ASRGL1: variants seen among roughly 807,000 people sequenced by gnomAD.
ASRGL1 encodes asparaginase and isoaspartyl peptidase 1, also known as isoaspartyl peptidase/L-asparaginase.
Under a neutral mutation model 22.4 loss-of-function variants are expected in ASRGL1, and 16 were observed. The ratio of observed to expected loss-of-function variants is 0.71; its 90% CI spans 0.48 to 1.08. ASRGL1 has a LOEUF of 1.08. Ranked by LOEUF, ASRGL1 falls within the 50% of genes least tolerant of loss-of-function variation. ASRGL1 has a pLI of 0.00. For synonymous variants in ASRGL1, 165 were observed against 159.3 expected (o/e 1.04, Z -0.27); for missense variants, 412 against 410.1 (o/e 1.00, Z -0.04).
intron 4 of ASRGL1, among the ~76,000 whole-genome samples, chr11:62,364,004 A>G (rs1295300397): frequency 6.6e-6 from 1 of 151,870 alleles, no homozygotes; most frequent in African/African-American, 2.4e-5. Context: ...TAAAAAATAC[A>G]AAAAATCAGC....
the ASRGL1 span, among the ~76,000 whole-genome samples, chr11:62,399,248 C>T: frequency 6.6e-6 from 1 of 152,196 alleles, no homozygotes. Flanking sequence ...TATTTGTCCA[C>T]TGCTCTCAAG....
chr11:62,349,143 A>G (rs777859022), intron 2 of ASRGL1, among the ~76,000 whole-genome samples: 160 of 151,990 alleles, frequency 1.1e-3, no homozygotes, highest in Middle Eastern at 3.4e-3. Flanking sequence ...TAATTTTTGT[A>G]TTTTTAGTAG....
chr11:62,373,224 T>A, intron 4 of ASRGL1: 1 of 868,656 alleles, frequency 1.2e-6, no homozygotes, highest in East Asian at 2.4e-5. Flanking sequence ...CAGCTGTCAT[T>A]TCCATGTGCA....
intron 4 of ASRGL1, among the ~76,000 whole-genome samples, chr11:62,359,434 G>A (rs1025207326): frequency 4.0e-5 from 6 of 151,176 alleles, no homozygotes; most frequent in African/African-American, 7.3e-5. Context: ...CAACAAGAGC[G>A]AAACTTTGTC....
chr11:62,362,297 G>A (rs1050243545), intron 4 of ASRGL1, among the ~76,000 whole-genome samples: 2 of 150,764 alleles, frequency 1.3e-5, no homozygotes, highest in African/African-American at 2.4e-5. Context: ...TGCTGTTGAA[G>A]TAATTAAATT....
intron 2 of ASRGL1, among the ~76,000 whole-genome samples, chr11:62,348,716 A>T (rs1946095208): frequency 6.6e-6 from 1 of 151,872 alleles, no homozygotes; most frequent in African/African-American, 2.4e-5. Flanking sequence ...GAAAAAAAAA[A>T]AGAAATGTAA....
chr11:62,391,490 T>C (rs765111603), intron 5 of ASRGL1, 32 bp from the exon 6 acceptor site: 1 of 1,588,106 alleles, frequency 6.3e-7, no homozygotes, highest in South Asian at 1.1e-5. Flanking sequence ...TCTTGACTGT[T>C]ACTGCTCAGA....
chr11:62,372,345 C>G (rs962373093), intron 4 of ASRGL1: 6 of 1,578,876 alleles, frequency 3.8e-6, no homozygotes, highest in Non-Finnish European at 5.2e-6. Context: ...TGTCCCCAGC[C>G]CTGTGCAGAT....
chr11:62,392,303 T>A lies in ASRGL1; in HGVS notation c.*19T>A. 6.2e-7 allele frequency: 1 copy of A among 1,612,076 alleles called. No individual in the cohort carries two copies. Among genetic ancestry groups the A allele is most frequent in the African/African-American group, 1.3e-5 (1 of 75,006 alleles). On this transcript the variant is annotated 3_prime_UTR_variant, in exon 7 of 7. Transcript: ENST00000415229. Reference sequence around the variant, plus strand: ...TCCCTAAGCCGCTGGAAGATTGTATTCCAGATGCTAGCTTAGAGGTCAAGT... The same window carrying A: ...TCCCTAAGCCGCTGGAAGATTGTATACCAGATGCTAGCTTAGAGGTCAAGT...
chr11:62,387,058 A>ATT (rs1313502378), intron 4 of ASRGL1, among the ~76,000 whole-genome samples: 1 of 62,200 alleles, frequency 1.6e-5, no homozygotes, highest in Non-Finnish European at 3.9e-5. Context: ...ACACTTAGCT[A>ATT]ATTTTTTTTT....
At chr11:62,362,638 T>TATATATTATATAA (rs1565162339) in intron 4 of ASRGL1, among the ~76,000 whole-genome samples, 5 of 22,714 alleles carry the variant, frequency 2.2e-4, no homozygotes, top group African/African-American at 7.7e-4. Context: ...AAAATATATA[T>TATATATTATATAA]AATATATAAT....
intron 4 of ASRGL1, among the ~76,000 whole-genome samples, chr11:62,370,332 C>CA (rs1209804308): frequency 6.6e-6 from 1 of 152,162 alleles, no homozygotes; most frequent in East Asian, 1.9e-4. Context: ...TATTTCCTAA[C>CA]ACTAGCATAT....
At chr11:62,382,335 A>T (rs1344891440) in intron 4 of ASRGL1, 2 of 151,886 alleles carry the variant, frequency 1.3e-5, no homozygotes, top group African/African-American at 2.4e-5. Flanking sequence ...GGAGAGGGGG[A>T]TGTGGCAGGA....
At chr11:62,353,053 A>T (rs1463906321) in intron 2 of ASRGL1, among the ~76,000 whole-genome samples, 1 of 151,952 alleles carries the variant, frequency 6.6e-6, no homozygotes, top group Non-Finnish European at 1.5e-5. Flanking sequence ...TAGGAGTCTG[A>T]TGACTTGAAT....
intron 4 of ASRGL1, among the ~76,000 whole-genome samples, chr11:62,358,570 G>A (rs1424926600): frequency 2.6e-5 from 4 of 152,204 alleles, no homozygotes; most frequent in African/African-American, 7.2e-5. Flanking sequence ...TGCTTTACAC[G>A]TAAGCAAGAG....
chr11:62,392,593 G>A lies in ASRGL1; in HGVS notation c.*309G>A, dbSNP rs4519096. On this transcript the variant is annotated 3_prime_UTR_variant, in exon 7 of 7. Transcript: ENST00000415229. Reference sequence around the variant, plus strand: ...CAAAAAAAAAAAAAAAAAGAAAAGGGAAAAAAGAAAGAAAGCAGCAGCATG... The same window carrying A: ...CAAAAAAAAAAAAAAAAAGAAAAGGAAAAAAAGAAAGAAAGCAGCAGCATG... The A allele has an allele frequency of 5.6e-3, 2,184 of 387,590 alleles. 49 individuals carry two copies. Among genetic ancestry groups the A allele is most frequent in the African/African-American group, 0.041 (1,986 of 47,920 alleles). The allele number at this position is 387,590 out of a possible 1,614,324, so 24.0% of individuals were successfully genotyped here.
At chr11:62,367,348 A>AG (rs1258868171) in intron 4 of ASRGL1, among the ~76,000 whole-genome samples, 2 of 149,924 alleles carry the variant, frequency 1.3e-5, no homozygotes, top group Non-Finnish European at 3.0e-5. Context: ...AAAAAAAAAA[A>AG]AGAGAGAGAT....
At chr11:62,338,414 G>A in intron 2 of ASRGL1, 2 of 436,348 alleles carry the variant, frequency 4.6e-6, no homozygotes, top group South Asian at 4.7e-5. Flanking sequence ...GGGAAATCCT[G>A]AGAATGTGTG....
intron 4 of ASRGL1, among the ~76,000 whole-genome samples, chr11:62,361,392 C>G (rs1189719302): frequency 1.3e-5 from 2 of 151,258 alleles, no homozygotes; most frequent in African/African-American, 4.9e-5. Flanking sequence ...TGCCATGTTG[C>G]CCAGGCTCGT....
Sources: allele counts gnomAD v4.1 joint callset (sites outside exome capture counted in the v4.1 genomes callset), GRCh38; gene constraint gnomAD v4.1.1; transcripts MANE v1.5; gene names NCBI Gene and HGNC (gene_info 2026-07-23, HGNC 2026-07-21).